The following BMPR1B variants were observed in gnomAD, a reference collection of about 807,000 sequenced individuals.
The protein encoded by BMPR1B is bone morphogenetic protein receptor type 1B.
In BMPR1B, 12 loss-of-function variants were observed where a neutral mutation model predicts 59.1. The observed-to-expected ratio is 0.20, with a 90% CI of 0.13 to 0.33. The LOEUF is 0.33. BMPR1B is among the 10% of genes least tolerant of loss of function. The pLI, the probability that BMPR1B is intolerant of heterozygous loss-of-function variation, is 1.00. For synonymous variants in BMPR1B, 237 were observed against 207.3 expected (o/e 1.14, Z -1.23); for missense variants, 550 against 610.9 (o/e 0.90, Z 1.05).
At chr4:95,015,714 G>A (rs1224224928) in intron 3 of BMPR1B, among the ~76,000 whole-genome samples, 1 of 145,368 alleles carries the variant, frequency 6.9e-6, no homozygotes, top group Non-Finnish European at 1.5e-5. Context: ...TTTTTTTTGA[G>A]ACAGAGTCTC....
chr4:94,903,067 T>C (rs965904374), intron 2 of BMPR1B, among the ~76,000 whole-genome samples: 1 of 152,044 alleles, frequency 6.6e-6, no homozygotes, highest in Non-Finnish European at 1.5e-5. Context: ...TGCTTTTTCA[T>C]AGCCTGTTAG....
At chr4:95,051,831 C>A in intron 3 of BMPR1B, 1 of 1,493,586 alleles carries the variant, frequency 6.7e-7, no homozygotes, top group South Asian at 1.2e-5. Context: ...AGTCTGATTT[C>A]GTGGCTTTTA....
chr4:94,851,588 T>C (rs924840283), intron 1 of BMPR1B, among the ~76,000 whole-genome samples: 1 of 152,134 alleles, frequency 6.6e-6, no homozygotes, highest in Non-Finnish European at 1.5e-5. Flanking sequence ...AATTATTTAC[T>C]TTCCTCATAG....
At chr4:95,020,564 C>G (rs918500733) in intron 3 of BMPR1B, among the ~76,000 whole-genome samples, 6 of 109,192 alleles carry the variant, frequency 5.5e-5, no homozygotes, top group Non-Finnish European at 1.0e-4. Flanking sequence ...GGTGACAGAA[C>G]AAGACTCCAT....
At chr4:94,780,186 C>T (rs1722536941) in intron 1 of BMPR1B, among the ~76,000 whole-genome samples, 1 of 152,082 alleles carries the variant, frequency 6.6e-6, no homozygotes. Context: ...TTACTCCCAA[C>T]CGCACTAGCC....
chr4:95,033,205 A>G (rs1283634403), intron 3 of BMPR1B, among the ~76,000 whole-genome samples: 1 of 152,108 alleles, frequency 6.6e-6, no homozygotes, highest in Non-Finnish European at 1.5e-5. Context: ...CATCAAATGT[A>G]TGACTTACAT....
chr4:95,091,514 C>T lies in BMPR1B; in HGVS notation c.-17-12894C>T, dbSNP rs182922413. 4.7e-3 allele frequency: 4,665 copies of T among 985,346 alleles called. 14 individuals are homozygous for T. Among genetic ancestry groups the T allele is most frequent in the Admixed American group, 5.7e-3 (93 of 16,236 alleles). 61.0% of individuals were successfully genotyped at this position (985,346 alleles called of 1,614,324 possible). A position where few individuals can be genotyped will look rare whatever the true frequency, so the allele number is the denominator to read the frequency against. ...ACATATCACAGGTGCAGGATTAGTG[C>T]TGCCTACGGTGCTGGGCTTTTTAGT... On this transcript the variant is annotated intron_variant, in intron 3 of 12. Transcript: ENST00000515059.
intron 3 of BMPR1B, among the ~76,000 whole-genome samples, chr4:95,052,543 GA>G (rs1312122989): frequency 6.6e-6 from 1 of 152,032 alleles, no homozygotes; most frequent in Non-Finnish European, 1.5e-5. Context: ...GAATATGTAT[GA>G]GATTGAAATG....
rs539691555 is a variant in BMPR1B at position 95,120,573 on chromosome 4, C to G, written c.350-3237C>G. Among the ~76,000 whole-genome samples, 48 of 148,912 alleles carry G rather than the reference C, an allele frequency of 3.2e-4. No individual in the cohort carries two copies. In the South Asian group the frequency reaches 9.4e-3, roughly 29 times the overall value. On this transcript the variant is annotated intron_variant, in intron 6 of 12. Transcript: ENST00000515059. ...ACGAGTTCAGCAAGGTTTAAGGATA[C>G]AGAATGAATATACAAAAAATCAGTC... is the stretch of plus-strand genomic sequence containing the variant.
At chr4:94,837,681 A>G (rs1724879359) in intron 1 of BMPR1B, among the ~76,000 whole-genome samples, 1 of 133,630 alleles carries the variant, frequency 7.5e-6, no homozygotes, top group Admixed American at 7.2e-5. Flanking sequence ...GGTTTTCTAG[A>G]TATACAATCA....
intron 4 of BMPR1B, among the ~76,000 whole-genome samples, chr4:95,111,308 A>G (rs1731618467): frequency 6.6e-6 from 1 of 152,142 alleles, no homozygotes; most frequent in Non-Finnish European, 1.5e-5. Flanking sequence ...AAAGTTCTAC[A>G]ATAGTCTCTT....
chr4:94,992,701 C>T (rs1721828168), intron 2 of BMPR1B, among the ~76,000 whole-genome samples: 1 of 152,130 alleles, frequency 6.6e-6, no homozygotes, highest in African/African-American at 2.4e-5. Context: ...TTTTACAGTT[C>T]TGTGGGCTTT....
chr4:94,914,341 T>C (rs1728401096), intron 2 of BMPR1B, among the ~76,000 whole-genome samples: 1 of 152,122 alleles, frequency 6.6e-6, no homozygotes, highest in Non-Finnish European at 1.5e-5. Context: ...GGTTTTGTAA[T>C]ATTGGGTTGG....
chr4:94,935,138 G>C (rs573372341), intron 2 of BMPR1B, among the ~76,000 whole-genome samples: 1 of 151,930 alleles, frequency 6.6e-6, no homozygotes, highest in Non-Finnish European at 1.5e-5. Flanking sequence ...TCCTTTTCTT[G>C]CTTCTCCATT....
chr4:94,963,089 T>A (rs1200968033), intron 2 of BMPR1B, among the ~76,000 whole-genome samples: 3 of 152,230 alleles, frequency 2.0e-5, no homozygotes, highest in South Asian at 4.1e-4. Context: ...TGGAACTTTT[T>A]AAAATATATC....
Position 95,148,635 on chromosome 4 carries a change from A to T in BMPR1B, c.1077-113A>T. ...TTAAGAAATTGTTTTTATTCCCTGG[A>T]AAGTTTTTCTTTTCCACTTTTCACT... On this transcript the variant is annotated intron_variant, in intron 10 of 12. Coordinates refer to ENST00000515059, the MANE Select transcript of BMPR1B (RefSeq NM_001203.3). The T allele has an allele frequency of 4.7e-6, 5 of 1,063,036 alleles. No individual in the cohort carries two copies. The South Asian group carries it at 6.8e-5, about 14-fold the overall frequency. The allele number at this position is 1,063,036 out of a possible 1,614,324, so 65.9% of individuals were successfully genotyped here. A position where few individuals can be genotyped will look rare whatever the true frequency, so the allele number is the denominator to read the frequency against.
At chr4:95,063,099 C>G (rs1326022189) in intron 3 of BMPR1B, among the ~76,000 whole-genome samples, 2 of 152,014 alleles carry the variant, frequency 1.3e-5, no homozygotes, top group Non-Finnish European at 1.5e-5. Flanking sequence ...TATTATTTCT[C>G]TGCTTTTAAT....
chr4:95,029,800 T>C (rs1180849859), intron 3 of BMPR1B, among the ~76,000 whole-genome samples: 1 of 152,148 alleles, frequency 6.6e-6, no homozygotes, highest in Non-Finnish European at 1.5e-5. Flanking sequence ...TTTTAATGAT[T>C]GCCATTCTAA....
intron 2 of BMPR1B, among the ~76,000 whole-genome samples, chr4:94,962,902 T>C (rs1169037357): frequency 6.6e-6 from 1 of 152,152 alleles, no homozygotes; most frequent in Non-Finnish European, 1.5e-5. Flanking sequence ...TTCATACTGT[T>C]CTCCATAATG....
Sources: gnomAD v4.1 joint callset for allele counts (sites outside exome capture counted in the v4.1 genomes callset) on GRCh38, gnomAD v4.1.1 for gene constraint, MANE v1.5 for transcripts, NCBI Gene and HGNC (gene_info 2026-07-23, HGNC 2026-07-21) for gene names.